Variants in TSPAN13 observed in about 807,000 individuals in gnomAD.
The protein encoded by TSPAN13 is tetraspanin-13.
A neutral mutation model predicts 26.9 loss-of-function variants in TSPAN13; 18 were observed. That is an observed-to-expected ratio of 0.67 (90% confidence interval 0.46 to 0.99). TSPAN13 has a LOEUF of 0.99. TSPAN13 is among the 50% of genes least tolerant of loss of function. The pLI, the probability that TSPAN13 is intolerant of heterozygous loss-of-function variation, is 0.00. For synonymous variants in TSPAN13, 116 were observed against 98.4 expected, an observed-to-expected ratio of 1.18 and a Z score of -1.06; for missense variants, 201 against 249.6, an observed-to-expected ratio of 0.81 and a Z score of 1.31.
intron 1 of TSPAN13, among the ~76,000 whole-genome samples, chr7:16,773,016 A>T (rs973062064): frequency 1.3e-5 from 2 of 152,082 alleles, no homozygotes; most frequent in Non-Finnish European, 2.9e-5. Flanking sequence ...AATAAAATAA[A>T]AAATAAATAA....
intron 1 of TSPAN13, among the ~76,000 whole-genome samples, chr7:16,773,791 A>G (rs1583793310): frequency 6.6e-6 from 1 of 152,216 alleles, no homozygotes; most frequent in Non-Finnish European, 1.5e-5. Context: ...GAAGAATTTT[A>G]TTAGTAATAC....
At chr7:16,766,168 A>G (rs1401288306) in intron 1 of TSPAN13, among the ~76,000 whole-genome samples, 1 of 152,234 alleles carries the variant, frequency 6.6e-6, no homozygotes, top group Non-Finnish European at 1.5e-5. Flanking sequence ...TTTTAAAATA[A>G]TGTGTTAGAA....
In TSPAN13 at chr7:16,776,331, G is replaced by T; in HGVS notation, c.184G>T (p.Val62Leu). Residue 62 changes from valine (V) to leucine (L), a missense_variant, in exon 2 of 6, where the codon GTG becomes TTG. By Grantham distance (32) the Val-to-Leu change is conservative. Coordinates refer to ENST00000262067, the MANE Select transcript of TSPAN13 (RefSeq NM_014399.4). ...VGIFLFLIAL[V>L]GLIGAVKHHQ... is the part of the protein sequence containing the mutation. ...CATCTTCTTGTTCCTGATTGCTTTA[G>T]TGGGTCTGATTGGAGCTGTAAAACA... 6.2e-7 allele frequency: 1 copy of T among 1,614,088 alleles called. No individual in the cohort carries two copies. The highest frequency in any genetic ancestry group is 8.5e-7 in the Non-Finnish European group (1 of 1,180,010).
intron 1 of TSPAN13, among the ~76,000 whole-genome samples, chr7:16,765,134 G>C (rs888599800): frequency 6.6e-6 from 1 of 152,092 alleles, no homozygotes; most frequent in Non-Finnish European, 1.5e-5. Flanking sequence ...ACAGGGTCTT[G>C]CTCTGTTGCC....
intron 1 of TSPAN13, among the ~76,000 whole-genome samples, chr7:16,768,881 A>G (rs1049069981): frequency 6.7e-6 from 1 of 148,572 alleles, no homozygotes; most frequent in Admixed American, 6.6e-5. Context: ...CATATCTCTT[A>G]TTTTATTTTT....
intron 1 of TSPAN13, among the ~76,000 whole-genome samples, chr7:16,772,591 G>GCC (rs1386726578): frequency 6.6e-6 from 1 of 151,942 alleles, no homozygotes; most frequent in Non-Finnish European, 1.5e-5. Context: ...ATTTCCCTGT[G>GCC]CCTCTCTCTT....
At chr7:16,759,086 G>C (rs758300379) in intron 1 of TSPAN13, among the ~76,000 whole-genome samples, 1 of 152,114 alleles carries the variant, frequency 6.6e-6, no homozygotes, top group Non-Finnish European at 1.5e-5. Flanking sequence ...AAAATAAAGC[G>C]GAGTAAAAGG....
intron 5 of TSPAN13, among the ~76,000 whole-genome samples, chr7:16,782,815 T>A (rs1469829168): frequency 3.3e-5 from 5 of 152,224 alleles, no homozygotes; most frequent in East Asian, 3.8e-4. Context: ...TTTTCCATAT[T>A]TCTGCTGTAA....
At chr7:16,778,282 G>A (rs1222776166) in intron 4 of TSPAN13, among the ~76,000 whole-genome samples, 1 of 152,162 alleles carries the variant, frequency 6.6e-6, no homozygotes, top group Non-Finnish European at 1.5e-5. Context: ...TCCTCAGTGA[G>A]GCTTCTTTTG....
chr7:16,778,173 C>G (rs1318102825), intron 4 of TSPAN13, among the ~76,000 whole-genome samples: 1 of 152,158 alleles, frequency 6.6e-6, no homozygotes, highest in Admixed American at 6.5e-5. Context: ...CCTTCTCTTC[C>G]TAGAACAAGT....
intron 5 of TSPAN13, among the ~76,000 whole-genome samples, chr7:16,781,575 A>AT: frequency 6.6e-6 from 1 of 152,070 alleles, no homozygotes. Context: ...AAGGGGAGAG[A>AT]TTTTCCCCTT....
At chr7:16,754,454 G>A (rs1014651724) in intron 1 of TSPAN13, among the ~76,000 whole-genome samples, 2 of 152,206 alleles carry the variant, frequency 1.3e-5, no homozygotes, top group Non-Finnish European at 2.9e-5. Flanking sequence ...GCGGAATGGC[G>A]TGGCCTGAAA....
Position 16,783,507 on chromosome 7 carries a change from G to GA in TSPAN13, c.*17dup. 1 of 1,608,248 alleles carries GA rather than the reference G, an allele frequency of 6.2e-7. No homozygotes were observed. The highest frequency in any genetic ancestry group is 8.5e-7 in the Non-Finnish European group (1 of 1,174,902). ...ATTCCTTTGATGAGAAAACAAGGAA[G>GA]ATTTCCTTTCGTATTATGATCTTGT... On this transcript the variant is annotated 3_prime_UTR_variant, in exon 6 of 6. Transcript: ENST00000262067.
rs200999436 is a variant in TSPAN13, at chr7:16,777,047, G to T, written c.237G>T (p.Met79Ile). Residue 79 changes from methionine to isoleucine, a missense_variant, in exon 3 of 6, where the codon ATG (methionine) becomes ATT (isoleucine). Met to Ile is a conservative substitution (Grantham distance 10). Transcript: ENST00000262067. ...CCTTAACTTCTAACTCTCAGTATAT[G>T]ATTATTCTGTTACTTGTATTTATTG... is the stretch of plus-strand genomic sequence containing the variant. ...KHHQVLLFFY[M>I]IILLLVFIVQ... The T allele has an allele frequency of 1.7e-5, 28 of 1,607,220 alleles. No individual in the cohort carries two copies. Among genetic ancestry groups the T allele is most frequent in the Non-Finnish European group, 1.5e-5 (18 of 1,174,380 alleles).
chr7:16,779,645 A>G (rs1403154275), intron 5 of TSPAN13, among the ~76,000 whole-genome samples: 2 of 152,004 alleles, frequency 1.3e-5, no homozygotes, highest in Admixed American at 6.6e-5. Flanking sequence ...AATATATAGT[A>G]CAATATTTAT....
Position 16,780,594 on chromosome 7 carries a change from A to G in TSPAN13, c.540+1478A>G, listed in dbSNP as rs569954574. On this transcript the variant is annotated intron_variant, in intron 5 of 5. Coordinates refer to ENST00000262067, the MANE Select transcript of TSPAN13 (RefSeq NM_014399.4). ...TGTTTAAAAACCATAGATTTTTGTT[A>G]TGAAAACTTAAAAATACAGATAGAG... 4.6e-5 allele frequency among the ~76,000 whole-genome samples: 7 copies of G among 152,294 alleles called. No homozygotes were observed. The East Asian group carries it at 9.6e-4, about 21-fold the overall frequency.
chr7:16,760,192 A>G (rs1172897358), intron 1 of TSPAN13, among the ~76,000 whole-genome samples: 3 of 152,184 alleles, frequency 2.0e-5, no homozygotes, highest in African/African-American at 7.2e-5. Context: ...TCTGATTTTT[A>G]TGTAAAAGGC....
intron 1 of TSPAN13, among the ~76,000 whole-genome samples, chr7:16,769,107 T>G (rs569659743): frequency 1.2e-3 from 178 of 152,356 alleles, no homozygotes; most frequent in African/African-American, 4.0e-3. Context: ...ATTACACGCA[T>G]GAGCCACTGT....
At chr7:16,766,676 C>T (rs10248469) in intron 1 of TSPAN13, among the ~76,000 whole-genome samples, 16,562 of 152,148 alleles carry the variant, frequency 0.11, 2,972 homozygotes, top group African/African-American at 0.37. Context: ...GGTGAAATAT[C>T]TGAGAGACAA....
Sources: gnomAD v4.1 joint callset for allele counts (sites outside exome capture counted in the v4.1 genomes callset) on GRCh38, gnomAD v4.1.1 for gene constraint, MANE v1.5 for transcripts, NCBI Gene and HGNC (gene_info 2026-07-23, HGNC 2026-07-21) for gene names.